The following PITPNM2 variants were observed in gnomAD, a reference collection of about 807,000 sequenced individuals.
The protein encoded by PITPNM2 is phosphatidylinositol transfer protein membrane associated 2, also known as membrane-associated phosphatidylinositol transfer protein 2.
In PITPNM2, 35 loss-of-function variants were observed where a neutral mutation model predicts 132.2. The observed-to-expected ratio is 0.26, with a 90% CI of 0.20 to 0.35. PITPNM2 has a LOEUF of 0.35. Ranked by LOEUF, PITPNM2 falls within the 10% of genes least tolerant of loss-of-function variation. The pLI, the probability that PITPNM2 is intolerant of heterozygous loss-of-function variation, is 1.00. For missense variants in PITPNM2, 1,332 were observed against 1,912.0 expected, an observed-to-expected ratio of 0.70 and a Z score of 5.66; for synonymous variants, 738 against 799.2, an observed-to-expected ratio of 0.92 and a Z score of 1.29.
At chr12:123,029,483 G>A (rs1318630879) in intron 3 of PITPNM2, among the ~76,000 whole-genome samples, 4 of 152,228 alleles carry the variant, frequency 2.6e-5, no homozygotes, top group Non-Finnish European at 4.4e-5. Flanking sequence ...CTACTGGGGA[G>A]ACTGAGGCAG....
intron 2 of PITPNM2, among the ~76,000 whole-genome samples, chr12:123,070,701 G>C (rs998505756): frequency 1.3e-5 from 2 of 152,328 alleles, no homozygotes; most frequent in African/African-American, 4.8e-5. Flanking sequence ...ACACAGGCCA[G>C]GCCTCTTCCA....
At chr12:123,072,630 T>C (rs2041649883) in intron 2 of PITPNM2, among the ~76,000 whole-genome samples, 1 of 152,204 alleles carries the variant, frequency 6.6e-6, no homozygotes, top group Non-Finnish European at 1.5e-5. Flanking sequence ...GGGGCAGAGC[T>C]GGGACCCCAG....
intron 2 of PITPNM2, among the ~76,000 whole-genome samples, chr12:123,093,009 G>A (rs745447076): frequency 9.1e-4 from 138 of 152,158 alleles, no homozygotes; most frequent in Non-Finnish European, 1.5e-3. Flanking sequence ...GACAAAATGT[G>A]GTCTTATACA....
chr12:123,134,993 C>A (rs549000469), intron 1 of PITPNM2, among the ~76,000 whole-genome samples: 6 of 152,292 alleles, frequency 3.9e-5, no homozygotes, highest in African/African-American at 1.4e-4. Flanking sequence ...TTCAGCTGCA[C>A]GATAGATCAT....
In PITPNM2 at chr12:123,009,349, G is replaced by A. The variant is rs141136133; in HGVS notation, c.643+501C>T. On this transcript the variant is annotated intron_variant, in intron 6 of 25. Coordinates refer to ENST00000320201, the MANE Select transcript of PITPNM2 (RefSeq NM_020845.3). This position sits in a 1 kb window ranked among gnomAD's most constrained non-coding sequence, Gnocchi z 4.8. ...CATGGGCACCTACTCTGGCTAGGCT[G>A]GTGTGGGTGTGAAGGCCACTATGAT... Among the ~76,000 whole-genome samples, 1 of 152,324 alleles carries A rather than the reference G, an allele frequency of 6.6e-6. No individual in the cohort carries two copies. Among genetic ancestry groups the A allele is most frequent in the East Asian group, 1.9e-4 (1 of 5,188 alleles).
At chr12:123,125,414 T>C (rs11834598) in intron 1 of PITPNM2, among the ~76,000 whole-genome samples, 21,981 of 152,184 alleles carry the variant, frequency 0.14, 5,240 homozygotes, top group African/African-American at 0.5. Context: ...TATCAAAGGA[T>C]GATGCACACC....
At chr12:123,096,284 T>C (rs567184323) in intron 2 of PITPNM2, among the ~76,000 whole-genome samples, 4 of 152,330 alleles carry the variant, frequency 2.6e-5, no homozygotes, top group South Asian at 2.1e-4. Context: ...CCTGCTTGCA[T>C]GCCCCAGCTC....
chr12:123,115,803 G>A (rs1197969855), intron 1 of PITPNM2, among the ~76,000 whole-genome samples: 1 of 152,196 alleles, frequency 6.6e-6, no homozygotes, highest in Non-Finnish European at 1.5e-5. Context: ...GCCTTGTGCA[G>A]CACAGAATAA....
rs112540065 is a variant in PITPNM2, at chr12:123,119,795, CTT to C, written c.-199-9309_-199-9308del. ...AATATTTCTTCTTTTTCTTTTCTTT[CTT>C]TTTTTTTTTTTGAGTTTGGGGTGTT... On this transcript the variant is annotated intron_variant, in intron 1 of 25. Transcript: ENST00000320201. Among the ~76,000 whole-genome samples the C allele has an allele frequency of 2.0e-3, 281 of 141,028 alleles. 1 individual carries two copies. Among genetic ancestry groups the C allele is most frequent in the African/African-American group, 6.5e-3 (255 of 39,062 alleles). The allele number at this position is 141,028 out of a possible 152,430, so 92.5% of individuals were successfully genotyped here. A position where few individuals can be genotyped will look rare whatever the true frequency, so the allele number is the denominator to read the frequency against.
intron 5 of PITPNM2, 41 bp downstream of exon 5, chr12:123,012,572 C>T (rs1251956993): frequency 6.2e-7 from 1 of 1,609,458 alleles, no homozygotes; most frequent in African/African-American, 1.3e-5. Flanking sequence ...GGGTAGGAAA[C>T]CCAGAGTACA....
At position 123,079,215 on chromosome 12, in the gene PITPNM2, C is replaced by T. The variant is rs556973487; in HGVS notation, c.-96+31170G>A. Among the ~76,000 whole-genome samples the T allele has an allele frequency of 1.1e-4, 16 of 152,290 alleles. No homozygotes were observed. In the South Asian group the frequency reaches 2.7e-3, roughly 26 times the overall value. On this transcript the variant is annotated intron_variant, in intron 2 of 25. Transcript: ENST00000320201. ...GGTAGACTCCTCAGGACTAAAACTA[C>T]AGCAGGTCTGCATCCGGCACCAGAG...
intron 20 of PITPNM2, 78 bp from the exon 21 acceptor site, chr12:122,987,979 G>T (rs2038010693): frequency 3.9e-6 from 5 of 1,298,538 alleles, no homozygotes; most frequent in Non-Finnish European, 5.4e-6. Context: ...AGCTCTGTGG[G>T]CCTGAGGGGC....
chr12:123,051,732 AT>A (rs2040861747), intron 2 of PITPNM2, among the ~76,000 whole-genome samples: 1 of 152,128 alleles, frequency 6.6e-6, no homozygotes, highest in Admixed American at 6.5e-5. Flanking sequence ...TGTGGAAGAT[AT>A]TTGTAGAAAT....
At chr12:123,068,195 C>T (rs906674681) in intron 2 of PITPNM2, among the ~76,000 whole-genome samples, 7 of 3,708 alleles carry the variant, frequency 1.9e-3, no homozygotes, top group African/African-American at 6.0e-3. Context: ...CGGCCGGGCA[C>T]GGTGGCTCAC....
chr12:123,074,650 C>G (rs1214975171), intron 2 of PITPNM2, among the ~76,000 whole-genome samples: 1 of 152,126 alleles, frequency 6.6e-6, no homozygotes, highest in East Asian at 1.9e-4. Flanking sequence ...CACACAAACA[C>G]ACACATATGG....
chr12:123,033,486 A>C (rs1174601926), intron 3 of PITPNM2, among the ~76,000 whole-genome samples: 2 of 152,186 alleles, frequency 1.3e-5, no homozygotes, highest in Admixed American at 1.3e-4. Flanking sequence ...GTGTCTCCTA[A>C]GCAAGAGTCT....
chr12:123,042,340 G>A (rs1041308302), intron 2 of PITPNM2, among the ~76,000 whole-genome samples: 23 of 152,212 alleles, frequency 1.5e-4, no homozygotes, highest in African/African-American at 5.3e-4. Context: ...ACGAGGCGAC[G>A]TGGACAGCTC....
At position 123,043,702 on chromosome 12, in the gene PITPNM2, C is replaced by T. The variant is rs1592968772; in HGVS notation, c.-95-9017G>A. Among the ~76,000 whole-genome samples, 3 of 152,302 alleles carry T rather than the reference C, an allele frequency of 2.0e-5. No homozygotes were observed. In the South Asian group the frequency reaches 6.2e-4, roughly 32 times the overall value. ...ATGTTAGAGTTAAGTTATGAGGCAT[C>T]GCTATGTAATGCCTCAACCCAAACA... On this transcript the variant is annotated intron_variant, in intron 2 of 25. Coordinates refer to ENST00000320201, the MANE Select transcript of PITPNM2 (RefSeq NM_020845.3).
At position 122,996,712 on chromosome 12, in the gene PITPNM2, G is replaced by A. The variant is rs748275426; in HGVS notation, c.1662+9C>T. 7 of 1,610,854 alleles carry A rather than the reference G, an allele frequency of 4.3e-6. No homozygotes were observed. The highest frequency in any genetic ancestry group is 1.1e-5 in the South Asian group (1 of 90,850). On this transcript the variant is annotated intron_variant, in intron 12 of 25. Coordinates refer to ENST00000320201, the MANE Select transcript of PITPNM2 (RefSeq NM_020845.3). ...TCCTCCTCCCCTCCCCAACTTCCCCGGGACTCACCTGCCCATTGAAGGTCA... is the reference window on the plus strand; with the variant it reads ...TCCTCCTCCCCTCCCCAACTTCCCCAGGACTCACCTGCCCATTGAAGGTCA...
Sources: gnomAD v4.1 joint callset for allele counts (sites outside exome capture counted in the v4.1 genomes callset) on GRCh38, gnomAD v4.1.1 for gene constraint, Gnocchi (gnomAD v3.1) non-coding constraint, MANE v1.5 for transcripts, NCBI Gene and HGNC (gene_info 2026-07-23, HGNC 2026-07-21) for gene names.